The following AMPH variants were observed in gnomAD, a reference collection of about 807,000 sequenced individuals.
AMPH encodes amphiphysin.
A neutral mutation model predicts 99.1 loss-of-function variants in AMPH; 49 were observed. That is an observed-to-expected ratio of 0.49 (90% CI 0.39 to 0.63). The LOEUF (loss-of-function observed/expected upper bound fraction) is 0.63. AMPH is among the 20% of genes least tolerant of loss of function. The pLI, the probability that AMPH is intolerant of heterozygous loss-of-function variation, is 0.00. For missense variants in AMPH, 759 were observed against 863.4 expected, an observed-to-expected ratio of 0.88 and a Z score of 1.52; for synonymous variants, 314 against 317.3, an observed-to-expected ratio of 0.99 and a Z score of 0.11.
At chr7:38,535,584 T>C (rs1215226449) in intron 1 of AMPH, among the ~76,000 whole-genome samples, 1 of 152,166 alleles carries the variant, frequency 6.6e-6, no homozygotes, top group African/African-American at 2.4e-5. Flanking sequence ...TATTATTACA[T>C]TGTAATATAT....
At position 38,592,769 on chromosome 7, in the gene AMPH, G is replaced by A. The variant is rs1366386117; in HGVS notation, c.69+38514C>T. Among the ~76,000 whole-genome samples, 3 of 151,822 alleles carry A rather than the reference G, an allele frequency of 2.0e-5. No individual in the cohort carries two copies. The East Asian group carries it at 5.8e-4, about 29-fold the overall frequency. Reference sequence around the variant, plus strand: ...AAAAATCAGTTTCTCCCACTGTGTGGTCTCACCTGGTGATCCTGGGCCAGC... The same window carrying A: ...AAAAATCAGTTTCTCCCACTGTGTGATCTCACCTGGTGATCCTGGGCCAGC... On this transcript the variant is annotated intron_variant, in intron 1 of 20. Coordinates refer to ENST00000356264, the MANE Select transcript of AMPH (RefSeq NM_001635.4).
intron 1 of AMPH, among the ~76,000 whole-genome samples, chr7:38,574,400 A>C (rs190169273): frequency 1.1e-4 from 16 of 152,310 alleles, no homozygotes; most frequent in Admixed American, 9.8e-4. Flanking sequence ...AAACAGCAGG[A>C]TCCTCAAGAT....
chr7:38,388,749 C>G (rs2128973203), intron 20 of AMPH, among the ~76,000 whole-genome samples: 1 of 152,156 alleles, frequency 6.6e-6, no homozygotes, highest in South Asian at 2.1e-4. Flanking sequence ...AAGTGATCCT[C>G]CCATGTCAGC....
In AMPH at chr7:38,391,954, C is replaced by T. The variant is rs372537853; in HGVS notation, c.1672G>A (p.Glu558Lys). 2.5e-6 allele frequency: 4 copies of T among 1,611,868 alleles called. No individual in the cohort carries two copies. The highest frequency in any genetic ancestry group is 1.8e-4 in the Middle Eastern group (1 of 5,434). ...ASNHEEEGENEITIGAEPKET... is the reference protein window; with the variant it reads ...ASNHEEEGENKITIGAEPKET... Reference sequence around the variant, plus strand: ...TTGGGCTCTGCACCTATAGTTATTTCGTTTTCTCCTTCCTCTTCATGGTTG... The same window carrying T: ...TTGGGCTCTGCACCTATAGTTATTTTGTTTTCTCCTTCCTCTTCATGGTTG... Residue 558 changes from glutamate to lysine, a missense_variant, in exon 19 of 21, where the codon GAA becomes AAA. Physicochemically the swap from Glu to Lys is moderately conservative, Grantham distance 56. Around this residue, in one of 2 missense-constraint regions of AMPH, gnomAD observed 554 missense variants for 575.6 expected, o/e 0.96. Transcript: ENST00000356264.
chr7:38,397,520 A>G (rs980140297), intron 17 of AMPH, among the ~76,000 whole-genome samples: 3 of 152,240 alleles, frequency 2.0e-5, no homozygotes, highest in South Asian at 2.1e-4. Flanking sequence ...ATAAAAATGG[A>G]TTAAATACTT....
intron 1 of AMPH, among the ~76,000 whole-genome samples, chr7:38,614,004 C>T (rs1793777731): frequency 6.6e-6 from 1 of 152,070 alleles, no homozygotes; most frequent in Admixed American, 6.6e-5. Context: ...ACAGCCCCAC[C>T]TCCCACCATG....
chr7:38,565,348 A>T (rs1791700025), intron 1 of AMPH, among the ~76,000 whole-genome samples: 1 of 152,172 alleles, frequency 6.6e-6, no homozygotes, highest in Non-Finnish European at 1.5e-5. Context: ...TGGGTGGCTT[A>T]AAACACAAAC....
At chr7:38,407,292 T>C (rs769159294) in intron 17 of AMPH, among the ~76,000 whole-genome samples, 1 of 118,122 alleles carries the variant, frequency 8.5e-6, no homozygotes, top group Middle Eastern at 4.3e-3. Flanking sequence ...TCTATCTATA[T>C]AGAGAGAGAG....
At chr7:38,512,378 A>G (rs1789573347) in intron 2 of AMPH, among the ~76,000 whole-genome samples, 1 of 152,184 alleles carries the variant, frequency 6.6e-6, no homozygotes, top group Non-Finnish European at 1.5e-5. Flanking sequence ...TGGATGAGAG[A>G]TATGCCTCAT....
At chr7:38,496,014 G>GC (rs1384334574) in intron 3 of AMPH, among the ~76,000 whole-genome samples, 5 of 152,186 alleles carry the variant, frequency 3.3e-5, no homozygotes, top group African/African-American at 1.2e-4. Context: ...CTCCCCGACA[G>GC]CCGGAAGGTG....
intron 11 of AMPH, among the ~76,000 whole-genome samples, chr7:38,441,482 T>C (rs74992058): frequency 0.046 from 7,040 of 152,018 alleles, 180 homozygotes; most frequent in South Asian, 0.099. Context: ...GGTCATCAAA[T>C]AGGTCTCAAC....
At chr7:38,466,415 C>T (rs1424141477) in intron 7 of AMPH, among the ~76,000 whole-genome samples, 167 bp from the exon 8 acceptor site, 4 of 152,124 alleles carry the variant, frequency 2.6e-5, no homozygotes, top group Non-Finnish European at 5.9e-5. Flanking sequence ...AACATTTCCT[C>T]ATCTGTTAAT....
intron 3 of AMPH, among the ~76,000 whole-genome samples, chr7:38,497,201 C>T (rs1788962525): frequency 6.6e-6 from 1 of 152,162 alleles, no homozygotes; most frequent in East Asian, 1.9e-4. Flanking sequence ...TTAGGGATTA[C>T]TCTTCTGACA....
At chr7:38,580,076 T>C (rs968218604) in intron 1 of AMPH, among the ~76,000 whole-genome samples, 100 of 152,300 alleles carry the variant, frequency 6.6e-4, no homozygotes, top group African/African-American at 2.4e-3. Flanking sequence ...ATCAGAGCAC[T>C]ACATCAATTT....
intron 3 of AMPH, among the ~76,000 whole-genome samples, chr7:38,496,714 A>C (rs1788946222): frequency 6.6e-6 from 1 of 152,170 alleles, no homozygotes; most frequent in Non-Finnish European, 1.5e-5. Flanking sequence ...ATCTCTATCA[A>C]GAAATATACC....
At chr7:38,385,351 G>T (rs762998311) in intron 20 of AMPH, among the ~76,000 whole-genome samples, 1 of 152,114 alleles carries the variant, frequency 6.6e-6, no homozygotes, top group Non-Finnish European at 1.5e-5. Context: ...GTGTAAAAAA[G>T]GTTTGAGGTT....
chr7:38,450,583 C>G (rs1210917196), intron 11 of AMPH, among the ~76,000 whole-genome samples: 1 of 152,208 alleles, frequency 6.6e-6, no homozygotes, highest in African/African-American at 2.4e-5. Flanking sequence ...CGATTATATG[C>G]TTCTGGAACT....
At chr7:38,548,295 C>T (rs1791063214) in intron 1 of AMPH, among the ~76,000 whole-genome samples, 1 of 152,018 alleles carries the variant, frequency 6.6e-6, no homozygotes, top group Non-Finnish European at 1.5e-5. Flanking sequence ...TCCCAAAGTG[C>T]TGGGATTACA....
chr7:38,455,714 GCT>G (rs1485284173), intron 11 of AMPH, among the ~76,000 whole-genome samples: 3 of 152,200 alleles, frequency 2.0e-5, no homozygotes, highest in African/African-American at 7.2e-5. Flanking sequence ...TACATGGGTA[GCT>G]GCCTAGGGAC....
Sources: gnomAD v4.1 joint callset for allele counts (sites outside exome capture counted in the v4.1 genomes callset) on GRCh38, gnomAD v4.1.1 for gene constraint, gnomAD v4.1.1 regional missense constraint, MANE v1.5 for transcripts, NCBI Gene and HGNC (gene_info 2026-07-23, HGNC 2026-07-21) for gene names.